The following MPP7 variants were observed in gnomAD, a reference collection of about 807,000 sequenced individuals.
MPP7 encodes MAGUK p55 subfamily member 7.
In MPP7, 60 loss-of-function variants were observed where a neutral mutation model predicts 76.5. The observed-to-expected ratio is 0.78, with a 90% CI of 0.64 to 0.97. The LOEUF (loss-of-function observed/expected upper bound fraction) is 0.97, where lower values mean the gene tolerates loss of function less well. Ranked by LOEUF, MPP7 falls within the 50% of genes least tolerant of loss-of-function variation. MPP7 has a pLI of 0.00. For missense variants in MPP7, 641 were observed against 694.0 expected, an observed-to-expected ratio of 0.92 and a Z score of 0.86; for synonymous variants, 237 against 244.5, an observed-to-expected ratio of 0.97 and a Z score of 0.29.
chr10:28,140,082 C>CCAAGAAGTTAATATCCAAGAAGTT (rs1429913671), intron 5 of MPP7, among the ~76,000 whole-genome samples: 1 of 152,078 alleles, frequency 6.6e-6, no homozygotes, highest in Non-Finnish European at 1.5e-5. Context: ...AAGTTAATAT[C>CCAAGAAGTTAATATCCAAGAAGTT]AATGCCAATA....
At chr10:28,280,867 A>C (rs2133093235) in intron 1 of MPP7, among the ~76,000 whole-genome samples, 1 of 152,164 alleles carries the variant, frequency 6.6e-6, no homozygotes. Flanking sequence ...AAAGCAATAC[A>C]GGGTGCCAAT....
At chr10:28,106,177 C>T (rs905585004) in intron 11 of MPP7, among the ~76,000 whole-genome samples, 5 of 152,166 alleles carry the variant, frequency 3.3e-5, no homozygotes, top group Non-Finnish European at 7.4e-5. Flanking sequence ...TATCTAAACC[C>T]TCCCATAGTC....
At chr10:28,329,647 A>C (rs1389812817) in intron 2 of MPP7, among the ~76,000 whole-genome samples, 1 of 151,890 alleles carries the variant, frequency 6.6e-6, no homozygotes, top group African/African-American at 2.4e-5. Context: ...AAAAAAAAAA[A>C]AAAAACCACT....
At chr10:28,096,849 C>T (rs1165057024) in intron 11 of MPP7, among the ~76,000 whole-genome samples, 1 of 152,122 alleles carries the variant, frequency 6.6e-6, no homozygotes, top group Non-Finnish European at 1.5e-5. Flanking sequence ...AAATAACTAA[C>T]CAATGGTCTC....
chr10:28,113,095 C>A (rs978405197), intron 11 of MPP7, among the ~76,000 whole-genome samples: 1 of 152,188 alleles, frequency 6.6e-6, no homozygotes, highest in Non-Finnish European at 1.5e-5. Flanking sequence ...CTCTACACCC[C>A]ACGTGGACCA....
intron 11 of MPP7, among the ~76,000 whole-genome samples, chr10:28,104,525 A>G (rs1276947122): frequency 6.6e-6 from 1 of 152,234 alleles, no homozygotes; most frequent in African/African-American, 2.4e-5. Context: ...GGGGAAAAAT[A>G]GAATTCCACA....
At chr10:28,233,246 C>T (rs915407718) in intron 2 of MPP7, among the ~76,000 whole-genome samples, 11 of 152,064 alleles carry the variant, frequency 7.2e-5, no homozygotes, top group African/African-American at 1.2e-4. Flanking sequence ...TACAATGATC[C>T]GTTTGCTAAG....
intron 2 of MPP7, among the ~76,000 whole-genome samples, chr10:28,310,024 C>T (rs866540995): frequency 2.2e-4 from 15 of 67,394 alleles, no homozygotes; most frequent in African/African-American, 5.1e-4. Flanking sequence ...TTTTTTTAAA[C>T]GGAGTCTTGC....
At chr10:28,247,109 TA>T (rs1332902307) in intron 1 of MPP7, among the ~76,000 whole-genome samples, 6 of 152,210 alleles carry the variant, frequency 3.9e-5, no homozygotes, top group Non-Finnish European at 8.8e-5. Flanking sequence ...TCATTCACTC[TA>T]AGTATTTACA....
chr10:28,155,606 A>C (rs1012172167), intron 3 of MPP7, among the ~76,000 whole-genome samples: 3 of 150,646 alleles, frequency 2.0e-5, no homozygotes, highest in Non-Finnish European at 4.4e-5. Context: ...TCCAAAAAAA[A>C]AAAGAAAGAA....
intron 2 of MPP7, among the ~76,000 whole-genome samples, chr10:28,324,311 T>C (rs1160380565): frequency 6.6e-6 from 1 of 152,214 alleles, no homozygotes; most frequent in Non-Finnish European, 1.5e-5. Flanking sequence ...CGCCTTGATC[T>C]TGGACTTCCC....
chr10:28,092,253 G>C (rs964795584), intron 11 of MPP7, among the ~76,000 whole-genome samples: 1 of 152,110 alleles, frequency 6.6e-6, no homozygotes, highest in Non-Finnish European at 1.5e-5. Flanking sequence ...TTTGAGTTGA[G>C]AGAAAAGGTT....
chr10:28,161,109 C>T (rs2133822792), intron 3 of MPP7, among the ~76,000 whole-genome samples: 1 of 152,316 alleles, frequency 6.6e-6, no homozygotes, highest in Non-Finnish European at 1.5e-5. Context: ...TGGCCCAGTG[C>T]TGCTATTATC....
intron 1 of MPP7, among the ~76,000 whole-genome samples, chr10:28,272,897 C>G (rs1476628351): frequency 2.0e-5 from 3 of 148,682 alleles, no homozygotes; most frequent in Non-Finnish European, 3.0e-5. Flanking sequence ...GTAAAACAAC[C>G]CAAAATGGTT....
At position 28,120,272 on chromosome 10, in the gene MPP7, G is replaced by GC. The variant is rs1448302169; in HGVS notation, c.808dup (p.Ala270GlyfsTer11). 6.2e-7 allele frequency: 1 copy of GC among 1,614,046 alleles called. No individual in the cohort carries two copies. The highest frequency in any genetic ancestry group is 8.5e-7 in the Non-Finnish European group (1 of 1,179,978). ...TTCGTGTTTCGCTTGCCACCAAGTT[G>GC]CATCATCTTGGCTCATAATCTGAAG... On this transcript the variant is annotated frameshift_variant, in exon 10 of 17. Coordinates refer to ENST00000683449, the MANE Select transcript of MPP7 (RefSeq NM_001318170.2). LOFTEE classifies it high-confidence loss of function.
At chr10:28,112,755 C>T (rs1210786198) in intron 11 of MPP7, among the ~76,000 whole-genome samples, 1 of 152,194 alleles carries the variant, frequency 6.6e-6, no homozygotes, top group East Asian at 1.9e-4. Flanking sequence ...ATGTGGAAGG[C>T]ACTGTTCTGT....
chr10:28,123,455 C>T (rs1454728154), intron 8 of MPP7, among the ~76,000 whole-genome samples: 6 of 141,390 alleles, frequency 4.2e-5, no homozygotes, highest in African/African-American at 1.6e-4. Context: ...GGGACAGGTA[C>T]TAAATTCTTT....
chr10:28,270,360 A>G (rs1253983306), intron 1 of MPP7, among the ~76,000 whole-genome samples: 4 of 152,102 alleles, frequency 2.6e-5, no homozygotes, highest in African/African-American at 9.7e-5. Context: ...AGAAGCTTTA[A>G]ATCATGTTTA....
intron 1 of MPP7, among the ~76,000 whole-genome samples, chr10:28,330,644 CTTTT>C: frequency 6.6e-6 from 1 of 151,894 alleles, no homozygotes; most frequent in Admixed American, 6.6e-5. Context: ...TATGGGGTTG[CTTTT>C]TTTGTTTTTT....
Sources: allele counts gnomAD v4.1 joint callset (sites outside exome capture counted in the v4.1 genomes callset), GRCh38; gene constraint gnomAD v4.1.1; transcripts MANE v1.5; gene names NCBI Gene and HGNC (gene_info 2026-07-23, HGNC 2026-07-21).